Variants in LRRC53 observed in about 807,000 individuals in gnomAD.
The protein encoded by LRRC53 is leucine-rich repeat-containing protein 53.
Under a neutral mutation model 13.6 loss-of-function variants are expected in LRRC53, and 25 were observed. That is an observed-to-expected ratio of 1.83 (90% CI 1.34 to 2.56). The LOEUF is 2.56. Ranked by LOEUF, LRRC53 falls within the 30% of genes most tolerant of loss-of-function variation. The pLI is 0.00. For synonymous variants in LRRC53, 204 were observed against 109.8 expected (o/e 1.86, Z -5.37); for missense variants, 527 against 275.8 (o/e 1.91, Z -6.45).
chr1:74,480,880 A>G lies in LRRC53; in HGVS notation c.177T>C (p.Leu59=), dbSNP rs1344060621. 1.3e-5 allele frequency: 9 copies of G among 717,456 alleles called. No homozygotes were observed. Among genetic ancestry groups the G allele is most frequent in the Non-Finnish European group, 2.3e-5 (9 of 385,106 alleles). 44.4% of individuals were successfully genotyped at this position (717,456 alleles called of 1,614,324 possible). A position where few individuals can be genotyped will look rare whatever the true frequency, so the allele number is the denominator to read the frequency against. ...ESTNLSLLFN[L]ALLSLSRNGI... The stretch of plus-strand genomic sequence containing the variant: ...CATTTCTGCTTAGGGAGAGCAGGGC[A>G]AGATTAAACAAGAGAGACAGGTTTG... The change falls in exon 3 of 5, where the codon CTT becomes CTC. Residue 59 remains leucine, a synonymous_variant. Transcript: ENST00000294635.
At chr1:74,511,294 G>A (rs1179409612) in intron 1 of LRRC53, among the ~76,000 whole-genome samples, 1 of 151,950 alleles carries the variant, frequency 6.6e-6, no homozygotes, top group Non-Finnish European at 1.5e-5. Context: ...CCGGGTTCAA[G>A]CAATTCTCGT....
At chr1:74,519,620 A>G in the LRRC53 span, among the ~76,000 whole-genome samples, 1 of 152,214 alleles carries the variant, frequency 6.6e-6, no homozygotes, top group Non-Finnish European at 1.5e-5. Flanking sequence ...TAAAATCATA[A>G]GAAAGCCAGA....
chr1:74,530,842 T>C, the LRRC53 span, among the ~76,000 whole-genome samples: 2 of 152,172 alleles, frequency 1.3e-5, no homozygotes, highest in Non-Finnish European at 2.9e-5. Flanking sequence ...TCTTAATGGT[T>C]TGCTCAGCTG....
In LRRC53 at chr1:74,501,474, G is replaced by GTGCTTGTT. The variant is rs1553153396; in HGVS notation, c.-27+11051_-27+11052insAACAAGCA. Among the ~76,000 whole-genome samples, 54 of 149,820 alleles carry GTGCTTGTT rather than the reference G, an allele frequency of 3.6e-4. 1 individual carries two copies. Among genetic ancestry groups the GTGCTTGTT allele is most frequent in the Admixed American group, 3.6e-3 (54 of 14,988 alleles). On this transcript the variant is annotated intron_variant, in intron 1 of 4. Transcript: ENST00000294635. ...CAACTTGGAGGGTTTTTTTTGTTTT[G>GTGCTTGTT]TGTTTGTTTGTTTGTTTGTTTGTTT... is the stretch of plus-strand genomic sequence containing the variant.
the LRRC53 span, among the ~76,000 whole-genome samples, chr1:74,523,278 T>G: frequency 6.6e-6 from 1 of 152,200 alleles, no homozygotes; most frequent in Non-Finnish European, 1.5e-5. Context: ...CTATAGACAT[T>G]ATCTCACTTG....
intron 1 of LRRC53, among the ~76,000 whole-genome samples, chr1:74,496,936 C>T (rs1669356469): frequency 6.6e-6 from 1 of 152,062 alleles, no homozygotes; most frequent in Non-Finnish European, 1.5e-5. Context: ...TGGGGCTGGG[C>T]TCTAAGAATA....
At chr1:74,516,140 A>G (rs1646344394), upstream of LRRC53, among the ~76,000 whole-genome samples, 1 of 152,314 alleles carries the variant, frequency 6.6e-6, no homozygotes, top group Non-Finnish European at 1.5e-5. Flanking sequence ...GTTCTTATTG[A>G]TAATAACTCT....
upstream of LRRC53, chr1:74,512,625 GC>G (rs1356018120): frequency 2.0e-5 from 3 of 152,150 alleles, no homozygotes; most frequent in Non-Finnish European, 4.4e-5. Flanking sequence ...TCAGCCATAT[GC>G]CTTATTCCTC....
the LRRC53 span, among the ~76,000 whole-genome samples, chr1:74,530,306 G>A: frequency 2.8e-4 from 43 of 152,156 alleles, no homozygotes; most frequent in Non-Finnish European, 5.6e-4. Flanking sequence ...GAGCCAACAG[G>A]TTTAAGTTGA....
chr1:74,483,411 G>A (rs945321428), intron 1 of LRRC53, 36 bp from the exon 2 acceptor site: 1 of 710,536 alleles, frequency 1.4e-6, no homozygotes, highest in Non-Finnish European at 2.6e-6. Context: ...ATATCATAAT[G>A]TTGGCATTCA....
intron 1 of LRRC53, chr1:74,489,187 A>C (rs1293080505): frequency 6.2e-7 from 1 of 1,609,890 alleles, no homozygotes; most frequent in South Asian, 1.1e-5. Flanking sequence ...TTCTATTTAC[A>C]GGGAAGACCC....
At chr1:74,477,295 C>A (rs1397696905) in intron 3 of LRRC53, among the ~76,000 whole-genome samples, 1 of 151,630 alleles carries the variant, frequency 6.6e-6, no homozygotes, top group East Asian at 1.9e-4. Context: ...TTTTTTTTCT[C>A]CTTTCACAAA....
At chr1:74,473,404 C>G (rs1216541818) in intron 4 of LRRC53, among the ~76,000 whole-genome samples, 1 of 151,942 alleles carries the variant, frequency 6.6e-6, no homozygotes, top group African/African-American at 2.4e-5. Flanking sequence ...AGTATACTTT[C>G]TATTGTTTCA....
At chr1:74,503,403 AG>A (rs2100349642) in intron 1 of LRRC53, among the ~76,000 whole-genome samples, 1 of 152,362 alleles carries the variant, frequency 6.6e-6, no homozygotes, top group African/African-American at 2.4e-5. Flanking sequence ...AATTTACAAA[AG>A]ACTGTAGTGC....
At chr1:74,504,647 T>A (rs1018938292) in intron 1 of LRRC53, among the ~76,000 whole-genome samples, 3 of 151,788 alleles carry the variant, frequency 2.0e-5, no homozygotes, top group African/African-American at 4.8e-5. Flanking sequence ...TTAAAAAAAA[T>A]TTAAGTACCT....
At chr1:74,492,037 G>C in intron 1 of LRRC53, 2 of 1,380,574 alleles carry the variant, frequency 1.4e-6, no homozygotes, top group South Asian at 4.4e-5. Flanking sequence ...CATATTTTAT[G>C]TTATGTCTTC....
rs1668177856 is a variant in LRRC53 at position 74,475,827 on chromosome 1, G to A, written c.905-17C>T. 1 of 563,154 alleles carries A rather than the reference G, an allele frequency of 1.8e-6. No homozygotes were observed. Among genetic ancestry groups the A allele is most frequent in the Admixed American group, 3.2e-5 (1 of 31,216 alleles). The allele number at this position is 563,154 out of a possible 1,614,324, so 34.9% of individuals were successfully genotyped here. On this transcript the variant is annotated splice_polypyrimidine_tract_variant and intron_variant, in intron 3 of 4. Coordinates refer to ENST00000294635, the MANE Select transcript of LRRC53 (RefSeq NM_001382280.1). ...CAACAGCTCCTATGACAAATAGAGA[G>A]ACCATTAAAAGATAACATCTTGGGA...
the LRRC53 span, among the ~76,000 whole-genome samples, chr1:74,530,729 T>G: frequency 1.8e-4 from 27 of 152,082 alleles, no homozygotes; most frequent in African/African-American, 6.0e-4. Context: ...AAAAGTTTTT[T>G]TTTTTTTTTT....
rs1287038855 is a variant in LRRC53, at chr1:74,480,616, T to C, written c.441A>G (p.Thr147=). Residue 147 remains threonine (T), a synonymous_variant, in exon 3 of 5, where the codon ACA becomes ACG. Coordinates refer to ENST00000294635, the MANE Select transcript of LRRC53 (RefSeq NM_001382280.1). ...QLDGNQITNL[T]DSSFGGTNLH... ...GATTCGTGCCTCCGAAAGAACTGTC[T>C]GTGAGATTAGTAATCTGATTCCCAT... 1.4e-6 allele frequency: 1 copy of C among 717,136 alleles called. No individual in the cohort carries two copies. Among genetic ancestry groups the C allele is most frequent in the Non-Finnish European group, 2.6e-6 (1 of 385,094 alleles). 44.4% of individuals were successfully genotyped at this position (717,136 alleles called of 1,614,324 possible). A position where few individuals can be genotyped will look rare whatever the true frequency, so the allele number is the denominator to read the frequency against.
Sources: gnomAD v4.1 joint callset for allele counts (sites outside exome capture counted in the v4.1 genomes callset) on GRCh38, gnomAD v4.1.1 for gene constraint, MANE v1.5 for transcripts, NCBI Gene and HGNC (gene_info 2026-07-23, HGNC 2026-07-21) for gene names.